COL19A1: variants seen among roughly 807,000 people sequenced by gnomAD.
COL19A1 encodes the protein collagen type XIX alpha 1 chain.
COL19A1 carries 159 observed loss-of-function variants against 190.2 expected under a neutral mutation model. The observed-to-expected ratio is 0.84, with a 90% CI of 0.73 to 0.95. COL19A1 has a LOEUF of 0.95. Ranked by LOEUF, COL19A1 falls within the 40% of genes least tolerant of loss-of-function variation. The pLI, the probability that COL19A1 is intolerant of heterozygous loss-of-function variation, is 0.00. For synonymous variants in COL19A1, 509 were observed against 458.9 expected, an observed-to-expected ratio of 1.11 and a Z score of -1.39; for missense variants, 1,418 against 1,431.9, an observed-to-expected ratio of 0.99 and a Z score of 0.16.
intron 11 of COL19A1, among the ~76,000 whole-genome samples, chr6:69,982,145 G>C (rs113710602): frequency 6.6e-6 from 1 of 152,082 alleles, no homozygotes; most frequent in Non-Finnish European, 1.5e-5. Context: ...GAGTTAAGAA[G>C]AATAATTCTG....
At chr6:70,016,482 A>T (rs888728970) in intron 11 of COL19A1, among the ~76,000 whole-genome samples, 5 of 147,006 alleles carry the variant, frequency 3.4e-5, no homozygotes, top group Non-Finnish European at 7.5e-5. Flanking sequence ...CATGTGTCAA[A>T]ACTCATCAAA....
At chr6:69,921,445 C>CATATATATCATATATATCAT (rs1554166250) in intron 4 of COL19A1, among the ~76,000 whole-genome samples, 1 of 27,186 alleles carries the variant, frequency 3.7e-5, no homozygotes, top group African/African-American at 1.7e-4. Flanking sequence ...TCATATATAT[C>CATATATATCATATATATCAT]ATATATCATA....
rs904931292 is a variant in COL19A1 at position 70,207,646 on chromosome 6, A to C, written c.*372A>C. The C allele has an allele frequency of 1.2e-4, 19 of 153,644 alleles. No homozygotes were observed. The highest frequency in any genetic ancestry group is 6.5e-5 in the Admixed American group (1 of 15,354). 9.5% of individuals were successfully genotyped at this position (153,644 alleles called of 1,614,324 possible). On this transcript the variant is annotated 3_prime_UTR_variant, in exon 51 of 51. Transcript: ENST00000620364. ...CTCATCAACATGTGGTTGGCCTTTG[A>C]TTTCTGAATTTTAAAGTTTCAGACT... is the stretch of plus-strand genomic sequence containing the variant.
chr6:70,102,855 C>T (rs1262255859), intron 16 of COL19A1, among the ~76,000 whole-genome samples: 3 of 152,144 alleles, frequency 2.0e-5, no homozygotes, highest in African/African-American at 7.2e-5. Context: ...TTGCAGATTC[C>T]CTGAGCACTT....
chr6:70,167,445 A>G (rs1765231179), intron 37 of COL19A1, among the ~76,000 whole-genome samples: 1 of 152,194 alleles, frequency 6.6e-6, no homozygotes, highest in Non-Finnish European at 1.5e-5. Context: ...TTACTCTAGG[A>G]CATGTCAATT....
chr6:69,959,028 C>G (rs1350155574), intron 9 of COL19A1, among the ~76,000 whole-genome samples: 1 of 152,128 alleles, frequency 6.6e-6, no homozygotes, highest in Non-Finnish European at 1.5e-5. Context: ...TTTGAGCTGT[C>G]TAAACCTGGA....
chr6:69,885,091 T>C (rs534674694), intron 2 of COL19A1, among the ~76,000 whole-genome samples: 357 of 152,316 alleles, frequency 2.3e-3, no homozygotes, highest in African/African-American at 8.3e-3. Flanking sequence ...CTCGAACTCC[T>C]GACCTCAAAT....
At chr6:69,907,405 C>T (rs903830942) in intron 4 of COL19A1, among the ~76,000 whole-genome samples, 3 of 152,156 alleles carry the variant, frequency 2.0e-5, no homozygotes, top group African/African-American at 7.2e-5. Flanking sequence ...GCTGGGATTA[C>T]AGGCATGAGC....
intron 12 of COL19A1, among the ~76,000 whole-genome samples, chr6:70,028,540 G>C (rs764643291): frequency 3.3e-5 from 5 of 152,064 alleles, no homozygotes; most frequent in Admixed American, 2.0e-4. Context: ...TCCTAGGAAG[G>C]GGGTTTTAAG....
chr6:69,930,104 A>G (rs1404037952), intron 6 of COL19A1, among the ~76,000 whole-genome samples: 2 of 152,246 alleles, frequency 1.3e-5, no homozygotes, highest in East Asian at 3.8e-4. Flanking sequence ...TTCAAGAACA[A>G]TAGACTATTC....
intron 16 of COL19A1, among the ~76,000 whole-genome samples, chr6:70,109,598 GA>G (rs1784174099): frequency 6.8e-6 from 1 of 147,790 alleles, no homozygotes; most frequent in Non-Finnish European, 1.5e-5. Context: ...GCAGCGGTTT[GA>G]TTTTTTTATG....
intron 11 of COL19A1, among the ~76,000 whole-genome samples, chr6:70,016,610 G>T (rs1341618921): frequency 1.3e-5 from 2 of 151,616 alleles, no homozygotes; most frequent in East Asian, 3.9e-4. Context: ...ACCATATTCT[G>T]GGAGCAAGTA....
chr6:70,104,160 A>T (rs1233257754), intron 16 of COL19A1, among the ~76,000 whole-genome samples: 1 of 152,132 alleles, frequency 6.6e-6, no homozygotes, highest in African/African-American at 2.4e-5. Flanking sequence ...ATAAAAGCAC[A>T]TTGGGGGAAT....
At position 69,993,930 on chromosome 6, in the gene COL19A1, T is replaced by A. The variant is rs559502309; in HGVS notation, c.1027-29697T>A. On this transcript the variant is annotated intron_variant, in intron 11 of 50. Coordinates refer to ENST00000620364, the MANE Select transcript of COL19A1 (RefSeq NM_001858.6). ...TTGGTTTTGTTGATCTTTTGTATGT[T>A]TTTTTTTGCATCTCTATTTCCTTTA... is the stretch of plus-strand genomic sequence containing the variant. Among the ~76,000 whole-genome samples the A allele has an allele frequency of 3.3e-5, 5 of 151,914 alleles. No individual in the cohort carries two copies. In the East Asian group the frequency reaches 9.6e-4, roughly 29 times the overall value.
intron 2 of COL19A1, among the ~76,000 whole-genome samples, chr6:69,888,265 A>G (rs943086831): frequency 3.3e-5 from 5 of 152,158 alleles, no homozygotes; most frequent in Non-Finnish European, 1.5e-5. Flanking sequence ...CAAAAATTCC[A>G]AGGCCTTTTA....
intron 11 of COL19A1, among the ~76,000 whole-genome samples, chr6:69,980,836 C>T (rs1244106384): frequency 6.6e-6 from 1 of 152,202 alleles, no homozygotes; most frequent in Non-Finnish European, 1.5e-5. Context: ...CAGCCATTAG[C>T]CTGCCACCTG....
intron 11 of COL19A1, among the ~76,000 whole-genome samples, chr6:69,970,055 T>C (rs1775333508): frequency 1.3e-5 from 2 of 151,968 alleles, no homozygotes; most frequent in Non-Finnish European, 2.9e-5. Context: ...ATTCAAGGAG[T>C]AGGAAAATAG....
chr6:70,133,374 G>T (rs1785642103), intron 18 of COL19A1, among the ~76,000 whole-genome samples: 1 of 152,132 alleles, frequency 6.6e-6, no homozygotes, highest in African/African-American at 2.4e-5. Flanking sequence ...GCCACATCCT[G>T]TATCAAGAAC....
intron 16 of COL19A1, among the ~76,000 whole-genome samples, chr6:70,103,166 C>G (rs1783739337): frequency 6.6e-6 from 1 of 152,184 alleles, no homozygotes; most frequent in African/African-American, 2.4e-5. Flanking sequence ...ATGTCCAAAA[C>G]TAATCTCTAA....
Sources: gnomAD v4.1 joint callset for allele counts (sites outside exome capture counted in the v4.1 genomes callset) on GRCh38, gnomAD v4.1.1 for gene constraint, MANE v1.5 for transcripts, NCBI Gene and HGNC (gene_info 2026-07-23, HGNC 2026-07-21) for gene names.